USP40: variants seen among roughly 807,000 people sequenced by gnomAD.
USP40 encodes ubiquitin specific peptidase 40, also known as ubiquitin carboxyl-terminal hydrolase 40.
A neutral mutation model predicts 166.2 loss-of-function variants in USP40; 143 were observed. That is an observed-to-expected ratio of 0.86 (90% CI 0.75 to 0.99). The LOEUF is 0.99. Among genes scored for constraint, USP40 ranks in the 50% least tolerant of loss-of-function variants. The pLI is 0.00. For missense variants in USP40, 1,444 were observed against 1,479.7 expected, an observed-to-expected ratio of 0.98 and a Z score of 0.40; for synonymous variants, 498 against 524.0, an observed-to-expected ratio of 0.95 and a Z score of 0.68.
chr2:233,485,704 T>G (rs1052543286), intron 29 of USP40, 63 bp downstream of exon 29: 11 of 1,601,768 alleles, frequency 6.9e-6, no homozygotes, highest in Non-Finnish European at 9.4e-6. Flanking sequence ...CTGTGAAAAA[T>G]TGCATAACCT....
At chr2:233,538,654 T>C (rs1391400788) in intron 10 of USP40, among the ~76,000 whole-genome samples, 1 of 152,178 alleles carries the variant, frequency 6.6e-6, no homozygotes, top group African/African-American at 2.4e-5. Context: ...CACACATGTA[T>C]AAGAAAGCTT....
chr2:233,484,624 G>C (rs994428672), intron 30 of USP40, among the ~76,000 whole-genome samples: 2 of 151,912 alleles, frequency 1.3e-5, no homozygotes, highest in Non-Finnish European at 2.9e-5. Flanking sequence ...TGGGACTACA[G>C]GTGTGTGCTA....
At chr2:233,533,043 A>G (rs543908619) in intron 11 of USP40, among the ~76,000 whole-genome samples, 24 of 152,226 alleles carry the variant, frequency 1.6e-4, no homozygotes, top group Middle Eastern at 6.8e-3. Flanking sequence ...AAAGATATAA[A>G]TAAGCAGAAA....
intron 14 of USP40, among the ~76,000 whole-genome samples, 154 bp from the exon 15 acceptor site, chr2:233,524,716 T>C (rs947944634): frequency 2.6e-5 from 4 of 152,348 alleles, no homozygotes; most frequent in African/African-American, 7.2e-5. Flanking sequence ...CATTATTTCA[T>C]TGTAATTTTT....
chr2:233,560,036 T>A, intron 3 of USP40, 112 bp from the exon 4 acceptor site: 1 of 612,538 alleles, frequency 1.6e-6, no homozygotes, highest in South Asian at 2.7e-5. Flanking sequence ...CAGGAGAAAG[T>A]TTATAAATAT....
At chr2:233,477,539 T>A in intron 31 of USP40, 36 bp from the exon 32 acceptor site, 4 of 1,572,002 alleles carry the variant, frequency 2.5e-6, no homozygotes, top group Non-Finnish European at 3.5e-6. Flanking sequence ...GACTCATGGA[T>A]GCAGTGGGTG....
rs747065068 is a variant in USP40 at position 233,498,595 on chromosome 2, G to A, written c.2668C>T (p.Arg890Ter). ...GCTTCATAGCACCAATCCATTTTTC[G>A]TAAATGCCAGGCATCTCCTATAAAG... Reference protein sequence around the residue: ...SGLQGDAWHLRKMDWCYEAGE... With the variant: ...SGLQGDAWHL The change falls in exon 23 of 32, where the codon CGA becomes TGA. Residue 890 changes from arginine (R) to a stop codon, truncating the protein, a stop_gained. Coordinates refer to ENST00000678225, the MANE Select transcript of USP40 (RefSeq NM_001365479.2). LOFTEE classifies it high-confidence loss of function. The A allele has an allele frequency of 9.3e-6, 15 of 1,613,020 alleles. No individual in the cohort carries two copies. The highest frequency in any genetic ancestry group is 4.5e-5 in the East Asian group (2 of 44,850).
At chr2:233,515,422 T>G (rs567586174) in intron 18 of USP40, among the ~76,000 whole-genome samples, 1 of 152,314 alleles carries the variant, frequency 6.6e-6, no homozygotes, top group South Asian at 2.1e-4. Context: ...CTCCACTGGG[T>G]GCACAGTAGG....
chr2:233,529,847 G>A (rs1396914894), intron 11 of USP40, among the ~76,000 whole-genome samples: 3 of 117,294 alleles, frequency 2.6e-5, no homozygotes, highest in Non-Finnish European at 3.3e-5. Flanking sequence ...TCACTTTGTC[G>A]CCCAGGCTGG....
At chr2:233,560,622 G>A (rs2071494591) in intron 3 of USP40, 1 of 175,908 alleles carries the variant, frequency 5.7e-6, no homozygotes. Flanking sequence ...GATCATGAAA[G>A]ACTCCTAAGA....
In USP40 at chr2:233,529,438, T is replaced by C; in HGVS notation, c.1546A>G (p.Thr516Ala). ...EMDAANIELQ[T>A]KRAECDSANN... ...AAAGCAATTTAAAATTACCTTTTGG[T>C]TTGCAGTTCAATGTTAGCTGCATCC... is the stretch of plus-strand genomic sequence containing the variant. Residue 516 changes from threonine to alanine, a missense_variant, in exon 12 of 32, where the codon ACC (threonine) becomes GCC (alanine). Transcript: ENST00000678225. 2 of 1,566,992 alleles carry C rather than the reference T, an allele frequency of 1.3e-6. No homozygotes were observed. Among genetic ancestry groups the C allele is most frequent in the Non-Finnish European group, 1.7e-6 (2 of 1,153,776 alleles).
At chr2:233,477,797 C>T (rs4588184) in intron 31 of USP40, among the ~76,000 whole-genome samples, 4,828 of 152,314 alleles carry the variant, frequency 0.032, 242 homozygotes, top group African/African-American at 0.11. Flanking sequence ...CCTTCCTTTC[C>T]GTACTTTTTA....
At chr2:233,560,918 A>G (rs2071529965) in intron 3 of USP40, 1 of 644,598 alleles carries the variant, frequency 1.6e-6, no homozygotes. Flanking sequence ...AAGAAAGAAT[A>G]AGCATAGTAA....
chr2:233,521,940 C>T (rs1002556853), intron 16 of USP40, among the ~76,000 whole-genome samples: 1 of 152,204 alleles, frequency 6.6e-6, no homozygotes, highest in African/African-American at 2.4e-5. Context: ...AAGCACTCAA[C>T]TCTTTCAATC....
chr2:233,530,652 T>G (rs987747024), intron 11 of USP40, among the ~76,000 whole-genome samples: 2 of 152,228 alleles, frequency 1.3e-5, no homozygotes, highest in African/African-American at 4.8e-5. Context: ...TGGTGGGGCA[T>G]CTCACTAATG....
In USP40 at chr2:233,566,762, G is replaced by A. The variant is rs113463832; in HGVS notation, c.-98C>T. On this transcript the variant is annotated 5_prime_UTR_variant, in exon 1 of 32. Coordinates refer to ENST00000678225, the MANE Select transcript of USP40 (RefSeq NM_001365479.2). ...CCCAACTGGGCGCCGCCATGTTGGC[G>A]AGGGCGGGTCTCCAGAAAGTGATTT... is the stretch of plus-strand genomic sequence containing the variant. The A allele has an allele frequency of 2.0e-5, 20 of 985,946 alleles. No homozygotes were observed. In the Admixed American group the frequency reaches 9.2e-4, roughly 45 times the overall value. The allele number at this position is 985,946 out of a possible 1,614,324, so 61.1% of individuals were successfully genotyped here.
At chr2:233,482,591 TTTTG>T (rs1257137175) in intron 30 of USP40, among the ~76,000 whole-genome samples, 1 of 139,336 alleles carries the variant, frequency 7.2e-6, no homozygotes, top group Non-Finnish European at 1.5e-5. Context: ...AGTTTTTTTT[TTTTG>T]TTTTTTTTTT....
chr2:233,490,246 C>A (rs1014463900), intron 26 of USP40, among the ~76,000 whole-genome samples: 2 of 150,364 alleles, frequency 1.3e-5, no homozygotes, highest in East Asian at 3.9e-4. Context: ...TCATTGCAAC[C>A]TCCCTGTCCT....
chr2:233,523,447 G>C lies in USP40; in HGVS notation c.1924C>G (p.Leu642Val), dbSNP rs760596187. ...TCTAGATGAAGAACATTTAAAAGTA[G>C]AGGTTCGCAGTCAATACCAGTTTGA... The part of the protein sequence containing the change: ...HIQTGIDCEP[L>V]LLNVLHLDTS... Residue 642 changes from leucine to valine, a missense_variant, in exon 16 of 32, where the codon CTA (leucine) becomes GTA (valine). By Grantham distance (32) the Leu-to-Val change is conservative. Transcript: ENST00000678225. 92 of 1,613,838 alleles carry C rather than the reference G, an allele frequency of 5.7e-5. No individual in the cohort carries two copies. Among genetic ancestry groups the C allele is most frequent in the Non-Finnish European group, 7.3e-5 (86 of 1,179,876 alleles).
Sources: allele counts gnomAD v4.1 joint callset (sites outside exome capture counted in the v4.1 genomes callset), GRCh38; gene constraint gnomAD v4.1.1; transcripts MANE v1.5; gene names NCBI Gene and HGNC (gene_info 2026-07-23, HGNC 2026-07-21).